DENND1A: variants seen among roughly 807,000 people sequenced by gnomAD.
DENND1A encodes DENN domain-containing protein 1A.
Under a neutral mutation model 113.7 loss-of-function variants are expected in DENND1A, and 51 were observed. That is an observed-to-expected ratio of 0.45 (90% CI 0.36 to 0.57). The LOEUF (loss-of-function observed/expected upper bound fraction) is 0.57, where lower values mean the gene tolerates loss of function less well. Among genes scored for constraint, DENND1A ranks in the 20% least tolerant of loss-of-function variants. The pLI, the probability that DENND1A is intolerant of heterozygous loss-of-function variation, is 0.00. For missense variants in DENND1A, 1,258 were observed against 1,395.9 expected (o/e 0.90, Z 1.57); for synonymous variants, 565 against 570.8 (o/e 0.99, Z 0.14).
At chr9:123,730,799 A>G (rs1418761568) in intron 5 of DENND1A, among the ~76,000 whole-genome samples, 1 of 152,216 alleles carries the variant, frequency 6.6e-6, no homozygotes, top group Non-Finnish European at 1.5e-5. Flanking sequence ...ATAAAGACAC[A>G]TGCACACATA....
intron 5 of DENND1A, among the ~76,000 whole-genome samples, chr9:123,713,114 G>A (rs2066742677): frequency 6.6e-6 from 1 of 152,218 alleles, no homozygotes; most frequent in Non-Finnish European, 1.5e-5. Flanking sequence ...ATCCCTGACC[G>A]AGAGTTAACA....
chr9:123,841,638 A>C (rs1319966477), intron 2 of DENND1A, among the ~76,000 whole-genome samples: 1 of 152,198 alleles, frequency 6.6e-6, no homozygotes, highest in Non-Finnish European at 1.5e-5. Context: ...AGCTTACTTT[A>C]GGGATCTGAA....
chr9:123,694,076 T>C (rs2065357210), intron 5 of DENND1A, among the ~76,000 whole-genome samples: 1 of 151,964 alleles, frequency 6.6e-6, no homozygotes, highest in Non-Finnish European at 1.5e-5. Flanking sequence ...CCTTGTGATA[T>C]GCCTGCCTTG....
intron 2 of DENND1A, among the ~76,000 whole-genome samples, chr9:123,805,994 C>T (rs554964854): frequency 6.6e-6 from 1 of 152,304 alleles, no homozygotes; most frequent in Admixed American, 6.5e-5. Flanking sequence ...CGCTCTATCA[C>T]CCAGGCTGGA....
At chr9:123,588,270 T>G (rs1589252085) in intron 11 of DENND1A, among the ~76,000 whole-genome samples, 1 of 101,334 alleles carries the variant, frequency 9.9e-6, no homozygotes, top group Admixed American at 1.3e-4. Flanking sequence ...ACAATAAGAG[T>G]GAAACTCTGT....
At chr9:123,904,791 T>G (rs576757500) in intron 1 of DENND1A, among the ~76,000 whole-genome samples, 1 of 152,106 alleles carries the variant, frequency 6.6e-6, no homozygotes, top group South Asian at 2.1e-4. Flanking sequence ...CTGCAGGATA[T>G]GATCCAGGAG....
At chr9:123,538,855 T>TATATATATATACACAC (rs1564676522) in intron 13 of DENND1A, among the ~76,000 whole-genome samples, 2 of 101,288 alleles carry the variant, frequency 2.0e-5, no homozygotes, top group South Asian at 3.2e-4. Context: ...TATATATATA[T>TATATATATATACACAC]ATATGAATTC....
intron 5 of DENND1A, among the ~76,000 whole-genome samples, chr9:123,721,164 A>G (rs751485526): frequency 2.8e-4 from 42 of 152,222 alleles, no homozygotes; most frequent in Non-Finnish European, 1.9e-4. Flanking sequence ...TGATTTTCTA[A>G]CACACAAATC....
At chr9:123,477,105 C>T (rs542844170) in intron 13 of DENND1A, among the ~76,000 whole-genome samples, 1 of 152,362 alleles carries the variant, frequency 6.6e-6, no homozygotes, top group South Asian at 2.1e-4. Context: ...CAGGGTATTC[C>T]ATGAGCAGCT....
intron 13 of DENND1A, among the ~76,000 whole-genome samples, chr9:123,552,026 A>T (rs1040088888): frequency 7.1e-6 from 1 of 140,528 alleles, no homozygotes; most frequent in Non-Finnish European, 1.5e-5. Context: ...AGCGAGAGAG[A>T]GAGAGAGAGA....
At chr9:123,531,742 C>T (rs1283884283) in intron 13 of DENND1A, among the ~76,000 whole-genome samples, 1 of 152,268 alleles carries the variant, frequency 6.6e-6, no homozygotes, top group African/African-American at 2.4e-5. Flanking sequence ...TCAAAAACTT[C>T]AGTGACATGC....
intron 13 of DENND1A, among the ~76,000 whole-genome samples, chr9:123,555,702 A>G (rs956617974): frequency 4.6e-5 from 7 of 152,380 alleles, no homozygotes; most frequent in Non-Finnish European, 1.0e-4. Flanking sequence ...TAGACAGCTA[A>G]GAAGTGCAGA....
At position 123,505,971 on chromosome 9, in the gene DENND1A, G is replaced by A. The variant is rs115723363; in HGVS notation, c.994-48074C>T. 1.9e-3 allele frequency among the ~76,000 whole-genome samples: 294 copies of A among 152,076 alleles called. 2 individuals carry two copies. Among genetic ancestry groups the A allele is most frequent in the African/African-American group, 5.8e-3 (240 of 41,468 alleles). On this transcript the variant is annotated intron_variant, in intron 13 of 23. Coordinates refer to ENST00000394215, the MANE Select transcript of DENND1A (RefSeq NM_001352964.2). ...ATCCTCTGTGCCGCTGCTCCTCAAC[G>A]TGAGTGAGTGTGCCCCCTTCATGCG...
At chr9:123,570,268 C>T (rs1045479148) in intron 12 of DENND1A, among the ~76,000 whole-genome samples, 3 of 152,202 alleles carry the variant, frequency 2.0e-5, no homozygotes, top group African/African-American at 4.8e-5. Flanking sequence ...ATCTGGAAGA[C>T]TCTGAACTAG....
chr9:123,549,286 T>C (rs548871637), intron 13 of DENND1A, among the ~76,000 whole-genome samples: 1 of 152,270 alleles, frequency 6.6e-6, no homozygotes, highest in South Asian at 2.1e-4. Flanking sequence ...CATCTTGCTG[T>C]ACTGTACATA....
chr9:123,710,759 A>C (rs2066529998), intron 5 of DENND1A, among the ~76,000 whole-genome samples: 1 of 149,224 alleles, frequency 6.7e-6, no homozygotes, highest in Non-Finnish European at 1.5e-5. Flanking sequence ...TGCAACCTCC[A>C]TCTCCCGGCT....
intron 2 of DENND1A, among the ~76,000 whole-genome samples, chr9:123,800,243 AC>A (rs1327054229): frequency 2.0e-5 from 3 of 152,198 alleles, no homozygotes; most frequent in African/African-American, 7.2e-5. Context: ...AAATTGAAGG[AC>A]CCTTCTGCTA....
chr9:123,645,010 T>C (rs989599021), intron 9 of DENND1A, among the ~76,000 whole-genome samples: 6 of 152,218 alleles, frequency 3.9e-5, no homozygotes, highest in African/African-American at 1.4e-4. Context: ...CACACTGAAG[T>C]ATTTACATTA....
intron 5 of DENND1A, among the ~76,000 whole-genome samples, chr9:123,728,183 A>C (rs1273600643): frequency 6.6e-6 from 1 of 150,718 alleles, no homozygotes. Context: ...TATTGTAAAA[A>C]GGTTATCTTT....
Sources: allele counts gnomAD v4.1 joint callset (sites outside exome capture counted in the v4.1 genomes callset), GRCh38; gene constraint gnomAD v4.1.1; transcripts MANE v1.5; gene names NCBI Gene and HGNC (gene_info 2026-07-23, HGNC 2026-07-21).